ERBB4: variants seen among roughly 807,000 people sequenced by gnomAD.
ERBB4 encodes the protein receptor tyrosine-protein kinase erbB-4.
Under a neutral mutation model 158.0 loss-of-function variants are expected in ERBB4, and 42 were observed. The observed-to-expected ratio is 0.27, with a 90% CI of 0.21 to 0.34. The LOEUF is 0.34. ERBB4 is among the 10% of genes least tolerant of loss of function. The probability of loss-of-function intolerance (pLI) is 1.00; values close to 1 mark genes in which losing one functional copy is unlikely to be tolerated. For missense variants in ERBB4, 1,333 were observed against 1,624.1 expected (o/e 0.82, Z 3.08); for synonymous variants, 583 against 558.7 (o/e 1.04, Z -0.61).
At chr2:211,666,665 C>T (rs980884293) in intron 14 of ERBB4, among the ~76,000 whole-genome samples, 2 of 152,144 alleles carry the variant, frequency 1.3e-5, no homozygotes, top group Non-Finnish European at 2.9e-5. Flanking sequence ...TTCTGGACAA[C>T]AGCTACCTGA....
At chr2:212,471,497 T>C (rs897823669) in intron 1 of ERBB4, among the ~76,000 whole-genome samples, 8 of 151,924 alleles carry the variant, frequency 5.3e-5, no homozygotes, top group African/African-American at 1.9e-4. Context: ...CTCTGCAACA[T>C]TGAAAATTAA....
At chr2:212,004,752 A>AC (rs1438637868) in intron 2 of ERBB4, among the ~76,000 whole-genome samples, 2 of 152,018 alleles carry the variant, frequency 1.3e-5, no homozygotes, top group South Asian at 4.2e-4. Flanking sequence ...ATGCTGCCAC[A>AC]CCCCAAAATA....
chr2:211,657,558 T>C (rs1179690274), intron 16 of ERBB4, 196 bp downstream of exon 16: 6 of 597,004 alleles, frequency 1.0e-5, no homozygotes, highest in Non-Finnish European at 1.8e-5. Flanking sequence ...GACTCTTGTA[T>C]CACAATGAAT....
intron 1 of ERBB4, among the ~76,000 whole-genome samples, chr2:212,386,190 T>C (rs1217667753): frequency 2.6e-5 from 4 of 151,944 alleles, no homozygotes; most frequent in Admixed American, 2.6e-4. Flanking sequence ...TTTTATCGAC[T>C]CCCAAGGATT....
At chr2:211,703,338 C>A (rs1374350053) in intron 11 of ERBB4, among the ~76,000 whole-genome samples, 1 of 152,100 alleles carries the variant, frequency 6.6e-6, no homozygotes, top group East Asian at 1.9e-4. Context: ...TCTTATTAAG[C>A]TCCTTTCTCC....
chr2:211,967,592 A>C (rs2081341336), intron 2 of ERBB4, among the ~76,000 whole-genome samples: 1 of 152,042 alleles, frequency 6.6e-6, no homozygotes, highest in South Asian at 2.1e-4. Flanking sequence ...CCAACAGTAA[A>C]CAACACCCTG....
intron 3 of ERBB4, among the ~76,000 whole-genome samples, chr2:211,914,972 C>T (rs1264632697): frequency 6.6e-6 from 1 of 152,074 alleles, no homozygotes; most frequent in Non-Finnish European, 1.5e-5. Flanking sequence ...GGAATATTGT[C>T]TATCTTTATA....
intron 5 of ERBB4, among the ~76,000 whole-genome samples, chr2:211,736,684 T>G (rs1027273797): frequency 5.3e-5 from 8 of 152,312 alleles, no homozygotes; most frequent in African/African-American, 1.9e-4. Flanking sequence ...CCTGCCATAA[T>G]GCCTTATCTT....
intron 1 of ERBB4, among the ~76,000 whole-genome samples, chr2:212,232,157 C>A (rs192820725): frequency 7.2e-4 from 110 of 152,004 alleles, no homozygotes; most frequent in African/African-American, 2.6e-3. Flanking sequence ...TATTATAATA[C>A]AATAAATTAA....
At chr2:211,759,854 G>A (rs762380333) in intron 4 of ERBB4, among the ~76,000 whole-genome samples, 5 of 150,290 alleles carry the variant, frequency 3.3e-5, no homozygotes, top group East Asian at 4.0e-4. Context: ...ATTTTAACAC[G>A]ATGTAATACT....
At chr2:211,761,259 G>GA (rs1318378013) in intron 4 of ERBB4, among the ~76,000 whole-genome samples, 1 of 148,428 alleles carries the variant, frequency 6.7e-6, no homozygotes, top group African/African-American at 2.5e-5. Flanking sequence ...TTTAAAGGTA[G>GA]AAATTTTAAT....
intron 13 of ERBB4, among the ~76,000 whole-genome samples, chr2:211,675,786 A>G (rs2072040545): frequency 5.4e-5 from 3 of 55,264 alleles, no homozygotes; most frequent in Non-Finnish European, 1.2e-4. Flanking sequence ...TATATAAAAT[A>G]TAATATTATA....
chr2:212,102,210 A>G (rs1324149920), intron 2 of ERBB4, among the ~76,000 whole-genome samples: 1 of 149,834 alleles, frequency 6.7e-6, no homozygotes, highest in Non-Finnish European at 1.5e-5. Flanking sequence ...TATTTTCTCT[A>G]ACTCTGGTGT....
At chr2:212,094,574 T>G (rs1020163717) in intron 2 of ERBB4, among the ~76,000 whole-genome samples, 1 of 148,006 alleles carries the variant, frequency 6.8e-6, no homozygotes, top group Admixed American at 6.7e-5. Flanking sequence ...AATAAAAAAA[T>G]AAAAAAAAAA....
intron 1 of ERBB4, among the ~76,000 whole-genome samples, chr2:212,429,790 T>A (rs537815309): frequency 1.3e-5 from 2 of 152,314 alleles, no homozygotes; most frequent in African/African-American, 4.8e-5. Flanking sequence ...CCTCATATAA[T>A]GCTTCCCTAT....
chr2:211,957,198 A>G (rs1291827857), intron 2 of ERBB4, among the ~76,000 whole-genome samples: 1 of 152,076 alleles, frequency 6.6e-6, no homozygotes, highest in African/African-American at 2.4e-5. Flanking sequence ...ATTTGGAGAT[A>G]GGGTTTTTAA....
At chr2:211,952,228 T>C (rs997619648) in intron 2 of ERBB4, among the ~76,000 whole-genome samples, 1 of 152,082 alleles carries the variant, frequency 6.6e-6, no homozygotes, top group African/African-American at 2.4e-5. Flanking sequence ...TGTGAACAAA[T>C]ATCTTGAAAC....
At chr2:212,380,284 T>TA (rs2090460727) in intron 1 of ERBB4, among the ~76,000 whole-genome samples, 10 of 149,128 alleles carry the variant, frequency 6.7e-5, no homozygotes, top group South Asian at 6.2e-4. Flanking sequence ...TCTAATAAAG[T>TA]TAAAAAAACT....
At chr2:211,777,325 G>C (rs1187952511) in intron 4 of ERBB4, 1 of 151,994 alleles carries the variant, frequency 6.6e-6, no homozygotes, top group Non-Finnish European at 1.5e-5. Context: ...TGGTTGAGGG[G>C]GACTTAACCA....
Sources: allele counts gnomAD v4.1 joint callset (sites outside exome capture counted in the v4.1 genomes callset), GRCh38; gene constraint gnomAD v4.1.1; transcripts MANE v1.5; gene names NCBI Gene and HGNC (gene_info 2026-07-23, HGNC 2026-07-21).